CLASP2: variants seen among roughly 807,000 people sequenced by gnomAD.
CLASP2 encodes cytoplasmic linker associated protein 2.
A neutral mutation model predicts 194.4 loss-of-function variants in CLASP2; 47 were observed. The observed-to-expected ratio is 0.24, with a 90% CI of 0.19 to 0.31. The LOEUF (loss-of-function observed/expected upper bound fraction) is 0.31. CLASP2 is among the 10% of genes least tolerant of loss of function. The pLI is 1.00. For synonymous variants in CLASP2, 619 were observed against 633.5 expected (o/e 0.98, Z 0.34); for missense variants, 1,445 against 1,823.6 (o/e 0.79, Z 3.78).
intron 25 of CLASP2, among the ~76,000 whole-genome samples, chr3:33,571,303 G>A (rs558673962): frequency 7.3e-5 from 11 of 150,314 alleles, no homozygotes; most frequent in East Asian, 2.1e-4. Flanking sequence ...GTGACCCACC[G>A]CGCCCGGCCT....
intron 34 of CLASP2, among the ~76,000 whole-genome samples, chr3:33,528,323 C>G (rs573990906): frequency 6.6e-6 from 1 of 152,290 alleles, no homozygotes; most frequent in East Asian, 1.9e-4. Flanking sequence ...GACAAACCCA[C>G]AGCAGCCAAC....
At chr3:33,646,879 T>TAA (rs1304634972) in intron 7 of CLASP2, among the ~76,000 whole-genome samples, 1 of 152,212 alleles carries the variant, frequency 6.6e-6, no homozygotes, top group Non-Finnish European at 1.5e-5. Flanking sequence ...CTACCAAAGC[T>TAA]AACTAGTCTC....
At chr3:33,573,476 C>T in intron 24 of CLASP2, 122 bp from the exon 25 acceptor site, 5 of 972,886 alleles carry the variant, frequency 5.1e-6, no homozygotes, top group Non-Finnish European at 7.9e-6. Context: ...TGCTCCTAAT[C>T]ATTGTAATAA....
chr3:33,714,754 T>C (rs1476579857), intron 1 of CLASP2, among the ~76,000 whole-genome samples: 2 of 152,182 alleles, frequency 1.3e-5, no homozygotes, highest in African/African-American at 4.8e-5. Flanking sequence ...GTATTTATTT[T>C]TTTTTAGACA....
intron 2 of CLASP2, among the ~76,000 whole-genome samples, chr3:33,695,703 G>A (rs2091823050): frequency 6.6e-6 from 1 of 152,126 alleles, no homozygotes; most frequent in Non-Finnish European, 1.5e-5. Context: ...ACTTTGGGAG[G>A]CCGAGGTGAG....
At chr3:33,671,120 C>A (rs1224743153) in intron 6 of CLASP2, among the ~76,000 whole-genome samples, 1 of 152,044 alleles carries the variant, frequency 6.6e-6, no homozygotes, top group African/African-American at 2.4e-5. Context: ...GATTCCAGCC[C>A]ACTCTAGCTA....
At chr3:33,688,685 C>A (rs779399736) in intron 3 of CLASP2, among the ~76,000 whole-genome samples, 9 of 152,142 alleles carry the variant, frequency 5.9e-5, no homozygotes, top group African/African-American at 1.9e-4. Context: ...AATTAAGAAA[C>A]CTTCAATAAC....
chr3:33,685,857 G>A (rs1321918342), intron 5 of CLASP2, among the ~76,000 whole-genome samples: 1 of 152,092 alleles, frequency 6.6e-6, no homozygotes, highest in Non-Finnish European at 1.5e-5. Context: ...GGACTGGGGA[G>A]TTGCTGTTTC....
intron 24 of CLASP2, among the ~76,000 whole-genome samples, chr3:33,574,728 CAAAG>C (rs1241418650): frequency 2.0e-5 from 3 of 152,054 alleles, no homozygotes; most frequent in African/African-American, 7.2e-5. Context: ...CCAGTTTTCT[CAAAG>C]AAACCTAAAT....
At chr3:33,646,583 CAG>C (rs1272850740) in intron 7 of CLASP2, among the ~76,000 whole-genome samples, 1 of 151,882 alleles carries the variant, frequency 6.6e-6, no homozygotes, top group Admixed American at 6.6e-5. Flanking sequence ...CACTAAAACA[CAG>C]AGCAGCCAGA....
intron 36 of CLASP2, among the ~76,000 whole-genome samples, chr3:33,511,279 A>G (rs1414245772): frequency 6.6e-6 from 1 of 152,102 alleles, no homozygotes; most frequent in Non-Finnish European, 1.5e-5. Context: ...AGCTCCAGCA[A>G]TCCTCCTGCC....
intron 8 of CLASP2, among the ~76,000 whole-genome samples, chr3:33,640,839 A>G (rs1211877316): frequency 1.3e-5 from 2 of 152,104 alleles, no homozygotes; most frequent in Non-Finnish European, 2.9e-5. Flanking sequence ...TAAAAATTAA[A>G]GGTCTGCTTA....
intron 2 of CLASP2, among the ~76,000 whole-genome samples, chr3:33,693,758 A>C (rs553076778): frequency 6.6e-6 from 1 of 152,314 alleles, no homozygotes; most frequent in African/African-American, 2.4e-5. Flanking sequence ...TTCAAGTTTC[A>C]TTAAGGAAAA....
At chr3:33,673,216 G>C (rs1009478890) in intron 6 of CLASP2, among the ~76,000 whole-genome samples, 11 of 152,290 alleles carry the variant, frequency 7.2e-5, no homozygotes, top group Admixed American at 5.2e-4. Context: ...CCCACTAAGG[G>C]AAGCCCAACA....
chr3:33,547,874 G>A (rs551815027), intron 30 of CLASP2, among the ~76,000 whole-genome samples: 69 of 147,676 alleles, frequency 4.7e-4, no homozygotes, highest in African/African-American at 1.5e-3. Context: ...CTGCAGCATC[G>A]ACCTCCCAGA....
At chr3:33,583,272 C>T (rs2066568724) in intron 22 of CLASP2, among the ~76,000 whole-genome samples, 2 of 152,166 alleles carry the variant, frequency 1.3e-5, no homozygotes, top group South Asian at 4.1e-4. Context: ...GCACACTATT[C>T]TTAGTCACTT....
Position 33,538,833 on chromosome 3 carries a change from T to C in CLASP2, c.3514A>G (p.Asn1172Asp). 6 of 1,603,044 alleles carry C rather than the reference T, an allele frequency of 3.7e-6. No individual in the cohort carries two copies. Among genetic ancestry groups the C allele is most frequent in the Non-Finnish European group, 2.6e-6 (3 of 1,174,428 alleles). Residue 1172 changes from asparagine to aspartate, a missense_variant, in exon 33 of 39, where the codon AAT becomes GAT. Asn to Asp is a conservative substitution (Grantham distance 23). Transcript: ENST00000682230. Reference sequence around the variant, plus strand: ...TTAGAATCCCTTTTCAATGGCTCATTCATATCTTCTTGGCTACGGAAGCTG... The same window carrying C: ...TTAGAATCCCTTTTCAATGGCTCATCCATATCTTCTTGGCTACGGAAGCTG... ...NFSFRSQEDMNEPLKRDSKKD... is the reference protein window; with the variant it reads ...NFSFRSQEDMDEPLKRDSKKD...
At chr3:33,551,001 G>C (rs2059932498) in intron 30 of CLASP2, among the ~76,000 whole-genome samples, 1 of 152,208 alleles carries the variant, frequency 6.6e-6, no homozygotes, top group Non-Finnish European at 1.5e-5. Context: ...GGAATGATTT[G>C]AAATATTCCG....
intron 34 of CLASP2, among the ~76,000 whole-genome samples, chr3:33,533,360 C>G (rs775567723): frequency 1.3e-5 from 2 of 152,044 alleles, no homozygotes; most frequent in Non-Finnish European, 2.9e-5. Context: ...GGTAAACTGT[C>G]ATAATTTTGG....
Sources: allele counts gnomAD v4.1 joint callset (sites outside exome capture counted in the v4.1 genomes callset), GRCh38; gene constraint gnomAD v4.1.1; transcripts MANE v1.5; gene names NCBI Gene and HGNC (gene_info 2026-07-23, HGNC 2026-07-21).